Variants in CDKAL1 observed in about 807,000 individuals in gnomAD.
CDKAL1 encodes the protein threonylcarbamoyladenosine tRNA methylthiotransferase.
Under a neutral mutation model 68.2 loss-of-function variants are expected in CDKAL1, and 32 were observed. The ratio of observed to expected loss-of-function variants is 0.47; its 90% CI spans 0.35 to 0.63. The LOEUF is 0.63. Ranked by LOEUF, CDKAL1 falls within the 30% of genes least tolerant of loss-of-function variation. The pLI is 0.00. For missense variants in CDKAL1, 606 were observed against 696.7 expected, an observed-to-expected ratio of 0.87 and a Z score of 1.47; for synonymous variants, 234 against 244.3, an observed-to-expected ratio of 0.96 and a Z score of 0.39.
chr6:21,041,602 CTTT>C (rs61519451), intron 11 of CDKAL1, among the ~76,000 whole-genome samples: 1 of 138,044 alleles, frequency 7.2e-6, no homozygotes. Flanking sequence ...CTCTGAAAAT[CTTT>C]TTTTTTTTTT....
At chr6:20,536,069 C>G (rs982141425) in intron 2 of CDKAL1, among the ~76,000 whole-genome samples, 2 of 151,762 alleles carry the variant, frequency 1.3e-5, no homozygotes, top group African/African-American at 2.4e-5. Context: ...GCTGGGACTA[C>G]AGGTGCATGC....
intron 6 of CDKAL1, among the ~76,000 whole-genome samples, chr6:20,740,603 A>G (rs574420396): frequency 3.8e-4 from 58 of 152,364 alleles, no homozygotes; most frequent in African/African-American, 1.3e-3. Flanking sequence ...AGAAGTTTAC[A>G]TAATTAATTG....
At chr6:20,862,054 A>T (rs556565855) in intron 9 of CDKAL1, among the ~76,000 whole-genome samples, 1 of 152,338 alleles carries the variant, frequency 6.6e-6, no homozygotes, top group Non-Finnish European at 1.5e-5. Context: ...TTAATAGTAA[A>T]ATATTATAAT....
intron 5 of CDKAL1, among the ~76,000 whole-genome samples, chr6:20,719,270 A>G (rs1479320542): frequency 6.6e-6 from 1 of 152,230 alleles, no homozygotes; most frequent in Non-Finnish European, 1.5e-5. Context: ...ACTCATTACC[A>G]CAAAATATAG....
At chr6:20,812,049 G>A (rs1346068183) in intron 8 of CDKAL1, among the ~76,000 whole-genome samples, 1 of 152,056 alleles carries the variant, frequency 6.6e-6, no homozygotes, top group Non-Finnish European at 1.5e-5. Context: ...ATTAAGGATT[G>A]CAAAATTTTG....
At chr6:20,984,856 A>G (rs970704548) in intron 10 of CDKAL1, among the ~76,000 whole-genome samples, 1 of 151,928 alleles carries the variant, frequency 6.6e-6, no homozygotes, top group African/African-American at 2.4e-5. Flanking sequence ...AAAGGACAAC[A>G]TTTGAGCAGG....
intron 7 of CDKAL1, among the ~76,000 whole-genome samples, chr6:20,777,298 T>C (rs1335885674): frequency 6.6e-6 from 1 of 152,166 alleles, no homozygotes; most frequent in East Asian, 1.9e-4. Flanking sequence ...AGTAAACATA[T>C]TTTTCACATT....
chr6:20,787,567 G>T (rs1171181386), intron 8 of CDKAL1, among the ~76,000 whole-genome samples: 1 of 152,114 alleles, frequency 6.6e-6, no homozygotes, highest in Non-Finnish European at 1.5e-5. Flanking sequence ...CTCTTTTTGG[G>T]TGGTGAAATC....
intron 8 of CDKAL1, among the ~76,000 whole-genome samples, chr6:20,794,775 G>A (rs1031687398): frequency 6.6e-6 from 1 of 152,112 alleles, no homozygotes; most frequent in Non-Finnish European, 1.5e-5. Flanking sequence ...ACAAACAGAG[G>A]TTACTCTCAC....
At chr6:21,174,040 C>A (rs180885733) in intron 13 of CDKAL1, among the ~76,000 whole-genome samples, 4 of 151,968 alleles carry the variant, frequency 2.6e-5, no homozygotes, top group Admixed American at 2.6e-4. Flanking sequence ...CACCTCTGCA[C>A]CCCAGTGTGA....
At chr6:20,860,771 A>T (rs1424086416) in intron 9 of CDKAL1, among the ~76,000 whole-genome samples, 2 of 151,744 alleles carry the variant, frequency 1.3e-5, no homozygotes, top group African/African-American at 2.4e-5. Context: ...TTGCAGGGAG[A>T]TGAGATCGCA....
At chr6:20,754,256 T>A (rs1774071239) in intron 6 of CDKAL1, among the ~76,000 whole-genome samples, 1 of 152,044 alleles carries the variant, frequency 6.6e-6, no homozygotes, top group Non-Finnish European at 1.5e-5. Context: ...GTGCTGGGAT[T>A]ACAGGTGTGA....
intron 4 of CDKAL1, among the ~76,000 whole-genome samples, chr6:20,645,066 T>TA (rs1293696509): frequency 6.6e-6 from 1 of 152,130 alleles, no homozygotes. Context: ...AAAGGTACAG[T>TA]AAAAATATGG....
intron 13 of CDKAL1, among the ~76,000 whole-genome samples, chr6:21,174,565 A>C: frequency 6.6e-6 from 1 of 152,292 alleles, no homozygotes; most frequent in Non-Finnish European, 1.5e-5. Context: ...CTACAAAAAA[A>C]TATTTGTTCC....
chr6:20,613,838 TG>T (rs2127725389), intron 4 of CDKAL1, among the ~76,000 whole-genome samples: 1 of 152,248 alleles, frequency 6.6e-6, no homozygotes, highest in South Asian at 2.1e-4. Context: ...GTGTAATTAC[TG>T]GGTTAAAAGT....
chr6:20,984,941 CT>C, intron 10 of CDKAL1, among the ~76,000 whole-genome samples: 1 of 152,102 alleles, frequency 6.6e-6, no homozygotes. Context: ...GGGACCTGCC[CT>C]TTTCTACCCA....
chr6:20,997,108 G>A (rs1767163948), intron 10 of CDKAL1, among the ~76,000 whole-genome samples: 1 of 152,188 alleles, frequency 6.6e-6, no homozygotes, highest in Admixed American at 6.5e-5. Context: ...AGCTATTGTA[G>A]AAATGCAGAG....
intron 9 of CDKAL1, among the ~76,000 whole-genome samples, chr6:20,870,120 C>T (rs1052365286): frequency 2.0e-5 from 3 of 152,112 alleles, no homozygotes; most frequent in Non-Finnish European, 4.4e-5. Context: ...GAGAGAAAAA[C>T]CTATTCGCTT....
At chr6:20,876,467 T>A (rs571101727) in intron 9 of CDKAL1, among the ~76,000 whole-genome samples, 1 of 152,362 alleles carries the variant, frequency 6.6e-6, no homozygotes, top group Admixed American at 6.5e-5. Context: ...TTGTCTCTTA[T>A]GTAGTGGACA....
Sources: gnomAD v4.1 joint callset for allele counts (sites outside exome capture counted in the v4.1 genomes callset) on GRCh38, gnomAD v4.1.1 for gene constraint, MANE v1.5 for transcripts, NCBI Gene and HGNC (gene_info 2026-07-23, HGNC 2026-07-21) for gene names.